The following NIPBL variants were observed in gnomAD, a reference collection of about 807,000 sequenced individuals.
The protein encoded by NIPBL is NIPBL cohesin loading factor, also known as nipped-B-like protein.
Under a neutral mutation model 321.8 loss-of-function variants are expected in NIPBL, and 19 were observed. That is an observed-to-expected ratio of 0.06 (90% CI 0.04 to 0.09). The LOEUF (loss-of-function observed/expected upper bound fraction) is 0.09, where lower values mean the gene tolerates loss of function less well. Ranked by LOEUF, NIPBL falls within the 10% of genes least tolerant of loss-of-function variation. The pLI is 1.00. For synonymous variants in NIPBL, 1,106 were observed against 1,114.1 expected (o/e 0.99, Z 0.14); for missense variants, 2,210 against 3,327.0 (o/e 0.66, Z 8.26).
intron 10 of NIPBL, 69 bp downstream of exon 10, chr5:36,986,370 A>G: frequency 9.1e-7 from 1 of 1,093,750 alleles, no homozygotes; most frequent in Non-Finnish European, 1.2e-6. Context: ...CTAAGTTTTA[A>G]AAAGGAAATT....
At chr5:37,016,403 A>G (rs1749000070) in intron 23 of NIPBL, among the ~76,000 whole-genome samples, 1 of 146,762 alleles carries the variant, frequency 6.8e-6, no homozygotes, top group Admixed American at 6.8e-5. Flanking sequence ...TGCTTTAACA[A>G]TTTTTTTTTT....
intron 1 of NIPBL, 31 bp from the exon 2 acceptor site, chr5:36,953,587 T>C (rs976414684): frequency 1.1e-6 from 1 of 889,570 alleles, no homozygotes. Context: ...GACATATCTC[T>C]ACAAATAATT....
intron 20 of NIPBL, among the ~76,000 whole-genome samples, chr5:37,009,377 A>G (rs767000310): frequency 3.3e-5 from 5 of 152,232 alleles, no homozygotes; most frequent in Non-Finnish European, 2.9e-5. Context: ...TTGCCATCAT[A>G]GATAATCACC....
intron 1 of NIPBL, among the ~76,000 whole-genome samples, chr5:36,904,902 C>G (rs536239853): frequency 6.6e-6 from 1 of 152,212 alleles, no homozygotes; most frequent in South Asian, 2.1e-4. Context: ...ATCCCTTTTG[C>G]CATATTCTAT....
intron 1 of NIPBL, among the ~76,000 whole-genome samples, chr5:36,904,207 G>A (rs907921481): frequency 3.9e-5 from 6 of 152,130 alleles, no homozygotes; most frequent in South Asian, 2.1e-4. Flanking sequence ...GCGGTGGCTC[G>A]CGCCTCTAAT....
chr5:36,916,916 T>G (rs555945678), intron 1 of NIPBL, among the ~76,000 whole-genome samples: 50 of 152,278 alleles, frequency 3.3e-4, no homozygotes, highest in African/African-American at 1.1e-3. Flanking sequence ...GACACTTGGG[T>G]TGGTTCCAAG....
At chr5:36,967,779 A>T (rs1742369886) in intron 6 of NIPBL, among the ~76,000 whole-genome samples, 1 of 152,118 alleles carries the variant, frequency 6.6e-6, no homozygotes, top group East Asian at 1.9e-4. Context: ...CTTAAGCCTT[A>T]AGGTGAAACA....
chr5:36,946,958 C>A (rs1739757158), intron 1 of NIPBL, among the ~76,000 whole-genome samples: 1 of 152,054 alleles, frequency 6.6e-6, no homozygotes, highest in South Asian at 2.1e-4. Context: ...ATTAGAAACA[C>A]CTGAGTTCAA....
intron 1 of NIPBL, among the ~76,000 whole-genome samples, chr5:36,929,496 A>T (rs1284346489): frequency 6.6e-6 from 1 of 152,054 alleles, no homozygotes; most frequent in Non-Finnish European, 1.5e-5. Flanking sequence ...ATTTTCTCCC[A>T]GTCTATGGCT....
At chr5:36,915,864 C>T (rs1748418016) in intron 1 of NIPBL, among the ~76,000 whole-genome samples, 1 of 152,096 alleles carries the variant, frequency 6.6e-6, no homozygotes, top group African/African-American at 2.4e-5. Context: ...AAGTCTTAGG[C>T]ATTTGTATCA....
Position 37,020,668 on chromosome 5 carries a change from A to G in NIPBL, c.5220A>G (p.Thr1740=). ...IIKTTPSQFS[T]LKMNSDTVDY... ...AAACCACACCTTCTCAGTTTAGCAC[A>G]TTAAAGTAAGATCCAAGGAGAAAAC... is the stretch of plus-strand genomic sequence containing the variant. Residue 1740 remains threonine, a synonymous_variant, in exon 26 of 47, where the codon ACA becomes ACG. Transcript: ENST00000282516. 6.2e-7 allele frequency: 1 copy of G among 1,613,214 alleles called. No homozygotes were observed. Among genetic ancestry groups the G allele is most frequent in the Non-Finnish European group, 8.5e-7 (1 of 1,179,196 alleles).
At chr5:36,904,974 G>A (rs1232475111) in intron 1 of NIPBL, among the ~76,000 whole-genome samples, 1 of 152,168 alleles carries the variant, frequency 6.6e-6, no homozygotes, top group Admixed American at 6.5e-5. Context: ...GTAATTGAAG[G>A]CTGTCTTAAA....
At chr5:36,877,987 A>G (rs1161804089) in intron 1 of NIPBL, among the ~76,000 whole-genome samples, 2 of 152,174 alleles carry the variant, frequency 1.3e-5, no homozygotes, top group South Asian at 2.1e-4. Flanking sequence ...GCCACTTTCT[A>G]TTTGTATGCG....
intron 14 of NIPBL, 41 bp from the exon 15 acceptor site, chr5:37,002,621 T>A (rs780826233): frequency 7.7e-7 from 1 of 1,292,040 alleles, no homozygotes; most frequent in Non-Finnish European, 1.1e-6. Flanking sequence ...CTATTTTATT[T>A]ACCTAAACTT....
intron 1 of NIPBL, among the ~76,000 whole-genome samples, chr5:36,950,842 G>A (rs1203991378): frequency 6.6e-6 from 1 of 152,058 alleles, no homozygotes; most frequent in Non-Finnish European, 1.5e-5. Context: ...TAGAATCCTA[G>A]GAACGCTATT....
At chr5:37,002,224 G>T (rs1746894289) in intron 14 of NIPBL, among the ~76,000 whole-genome samples, 1 of 152,116 alleles carries the variant, frequency 6.6e-6, no homozygotes, top group South Asian at 2.1e-4. Context: ...TTTTGGTCAG[G>T]GGACAGAGCC....
At chr5:37,045,985 T>C in intron 37 of NIPBL, 124 bp from the exon 38 acceptor site, 2 of 638,954 alleles carry the variant, frequency 3.1e-6, no homozygotes, top group Non-Finnish European at 5.7e-6. Context: ...ATGGAATTGG[T>C]TACTTATTTT....
At chr5:36,887,946 A>G (rs549764977) in intron 1 of NIPBL, among the ~76,000 whole-genome samples, 3 of 152,166 alleles carry the variant, frequency 2.0e-5, no homozygotes, top group Admixed American at 6.5e-5. Flanking sequence ...CTATCAACTC[A>G]TTTACCTAAA....
rs920828490 is a variant in NIPBL, at chr5:36,961,657, A to G, written c.458+74A>G. ...ATGCTGGTGAATATATGGTTCATAC[A>G]TTTAGGTAATGGTGGATTATTTAGA... On this transcript the variant is annotated intron_variant, in intron 5 of 46. Transcript: ENST00000282516. 7.3e-5 allele frequency: 68 copies of G among 937,894 alleles called. No homozygotes were observed. The Admixed American group carries it at 1.2e-3, about 16-fold the overall frequency. The allele number at this position is 937,894 out of a possible 1,614,324, so 58.1% of individuals were successfully genotyped here. A position where few individuals can be genotyped will look rare whatever the true frequency, so the allele number is the denominator to read the frequency against.
Sources: allele counts gnomAD v4.1 joint callset (sites outside exome capture counted in the v4.1 genomes callset), GRCh38; gene constraint gnomAD v4.1.1; transcripts MANE v1.5; gene names NCBI Gene and HGNC (gene_info 2026-07-23, HGNC 2026-07-21).